RELB: variants seen among roughly 807,000 people sequenced by gnomAD.
RELB encodes transcription factor RelB.
In RELB, 14 loss-of-function variants were observed where a neutral mutation model predicts 55.4. The observed-to-expected ratio is 0.25, with a 90% CI of 0.17 to 0.40. The LOEUF (loss-of-function observed/expected upper bound fraction) is 0.40, where lower values mean the gene tolerates loss of function less well. RELB is among the 10% of genes least tolerant of loss of function. RELB has a pLI of 1.00. For synonymous variants in RELB, 409 were observed against 371.3 expected, an observed-to-expected ratio of 1.10 and a Z score of -1.17; for missense variants, 669 against 830.7, an observed-to-expected ratio of 0.81 and a Z score of 2.39.
intron 2 of RELB, chr19:45,008,398 C>T: frequency 2.2e-6 from 1 of 456,058 alleles, no homozygotes; most frequent in Non-Finnish European, 4.4e-6. Flanking sequence ...ACTCAGTCTC[C>T]CCCTACAGCC....
chr19:45,012,128 C>G lies in RELB; in HGVS notation c.356C>G (p.Pro119Arg), dbSNP rs759274817. Residue 119 changes from proline (P) to arginine (R), a missense_variant, in exon 4 of 12, where the codon CCG becomes CGG. Coordinates refer to ENST00000221452, the MANE Select transcript of RELB (RefSeq NM_006509.4). ...CPLGRLVSPAPGPGPQPHLVI... is the reference protein window; with the variant it reads ...CPLGRLVSPARGPGPQPHLVI... ...CTGGGCCGACTAGTGTCCCCAGCGC[C>G]GGGCCCGGGCCCGCAGCCGCACCTG... 13 of 1,555,126 alleles carry G rather than the reference C, an allele frequency of 8.4e-6. No homozygotes were observed. The South Asian group carries it at 1.5e-4, about 18-fold the overall frequency.
At position 45,032,525 on chromosome 19, in the gene RELB, T is replaced by C. The variant is rs769438391; in HGVS notation, c.992-9T>C. 3.7e-6 allele frequency: 6 copies of C among 1,607,322 alleles called. No individual in the cohort carries two copies. The South Asian group carries it at 4.4e-5, about 12-fold the overall frequency. ...CCTGGCTTAGCTGATGTCCCCCGTT[T>C]CCTGCCAGAGGACATATCAGTGGTG... On this transcript the variant is annotated splice_polypyrimidine_tract_variant and intron_variant, in intron 8 of 11. Transcript: ENST00000221452.
At chr19:45,014,993 C>A (rs1392193620) in intron 4 of RELB, among the ~76,000 whole-genome samples, 2 of 151,270 alleles carry the variant, frequency 1.3e-5, no homozygotes, top group Non-Finnish European at 2.9e-5. Flanking sequence ...ACTTCCGCCT[C>A]CTGGGTTCAA....
rs1043017303 is a variant in RELB, at chr19:45,001,554, C to G, written c.-26C>G. Reference sequence around the variant, plus strand: ...CGCGATCGTCCACCAGACCGTGCCTCCCGGCCGCCCGGCCGGCCCGCGTGC... The same window carrying G: ...CGCGATCGTCCACCAGACCGTGCCTGCCGGCCGCCCGGCCGGCCCGCGTGC... On this transcript the variant is annotated 5_prime_UTR_variant, in exon 1 of 12. Transcript: ENST00000221452. 5 of 1,381,144 alleles carry G rather than the reference C, an allele frequency of 3.6e-6. No individual in the cohort carries two copies. The African/African-American group carries it at 7.6e-5, about 21-fold the overall frequency. The allele number at this position is 1,381,144 out of a possible 1,614,324, so 85.6% of individuals were successfully genotyped here.
intron 4 of RELB, among the ~76,000 whole-genome samples, chr19:45,018,756 A>G (rs1971450454): frequency 6.7e-6 from 1 of 150,108 alleles, no homozygotes; most frequent in Non-Finnish European, 1.5e-5. Flanking sequence ...GGCTCACTGC[A>G]ACTTGTGCCT....
At chr19:45,032,423 A>C in intron 8 of RELB, 111 bp from the exon 9 acceptor site, 2 of 929,086 alleles carry the variant, frequency 2.2e-6, no homozygotes, top group Non-Finnish European at 3.3e-6. Context: ...TCAAAAAAAA[A>C]AAATTTTAAA....
rs1039624578 is a variant in RELB, at chr19:45,003,915, GT to G, written c.154+945del. The stretch of plus-strand genomic sequence containing the variant: ...TGGGTTTTTTTTGTCTGTTTTTTGT[GT>G]TTTTTTTTTTTTTTTTTTTTTTTTT... On this transcript the variant is annotated intron_variant, in intron 2 of 11. Transcript: ENST00000221452. 6.9e-3 allele frequency among the ~76,000 whole-genome samples: 439 copies of G among 63,570 alleles called. 6 individuals are homozygous for G. Among genetic ancestry groups the G allele is most frequent in the African/African-American group, 0.022 (379 of 16,988 alleles). The allele number at this position is 63,570 out of a possible 152,430, so 41.7% of individuals were successfully genotyped here.
chr19:45,032,128 C>T (rs537629346), intron 8 of RELB, among the ~76,000 whole-genome samples: 5 of 151,854 alleles, frequency 3.3e-5, no homozygotes, highest in Admixed American at 2.0e-4. Flanking sequence ...CCCAGCTACT[C>T]GGGAGACTGA....
At chr19:45,008,071 G>A (rs1399659869) in intron 2 of RELB, among the ~76,000 whole-genome samples, 1 of 148,668 alleles carries the variant, frequency 6.7e-6, no homozygotes, top group East Asian at 2.0e-4. Context: ...TCGGGAGGCT[G>A]AGACAGGAGA....
Position 45,027,073 on chromosome 19 carries a change from CA to C in RELB, c.886+1346del, listed in dbSNP as rs949733377. Among the ~76,000 whole-genome samples, 673 of 148,186 alleles carry C rather than the reference CA, an allele frequency of 4.5e-3. 11 individuals carry two copies. Among genetic ancestry groups the C allele is most frequent in the African/African-American group, 0.016 (633 of 40,506 alleles). ...CGAAACCCCGTCTCTACTAAAAATC[CA>C]AAAAAAAAATTAGCCGGGCGTCGTG... On this transcript the variant is annotated intron_variant, in intron 7 of 11. Coordinates refer to ENST00000221452, the MANE Select transcript of RELB (RefSeq NM_006509.4).
At chr19:45,003,211 C>T (rs1971236311) in intron 2 of RELB, among the ~76,000 whole-genome samples, 1 of 152,132 alleles carries the variant, frequency 6.6e-6, no homozygotes. Context: ...GTGGCTCACG[C>T]CTGTAGTCCC....
chr19:45,037,607 A>G lies in RELB; in HGVS notation c.1557A>G (p.Gly519=). 1 of 1,606,330 alleles carries G rather than the reference A, an allele frequency of 6.2e-7. No homozygotes were observed. The highest frequency in any genetic ancestry group is 8.5e-7 in the Non-Finnish European group (1 of 1,176,956). ...PPHASAVVCS[G]GAGAVVGETP... is the part of the protein sequence containing the mutation. ...ACGCTAGCGCTGTTGTGTGCAGCGGAGGTGCCGGGGCCGTGGTTGGGGAGA... is the reference window on the plus strand; with the variant it reads ...ACGCTAGCGCTGTTGTGTGCAGCGGGGGTGCCGGGGCCGTGGTTGGGGAGA... Residue 519 remains glycine, a synonymous_variant, in exon 12 of 12, where the codon GGA becomes GGG. Coordinates refer to ENST00000221452, the MANE Select transcript of RELB (RefSeq NM_006509.4).
At chr19:45,019,701 G>A (rs1600072525) in intron 4 of RELB, among the ~76,000 whole-genome samples, 1 of 152,102 alleles carries the variant, frequency 6.6e-6, no homozygotes, top group African/African-American at 2.4e-5. Context: ...TTTTTGAGAA[G>A]GAGTCTTGCT....
chr19:45,004,083 C>A (rs1002013552), intron 2 of RELB, among the ~76,000 whole-genome samples: 8 of 150,702 alleles, frequency 5.3e-5, no homozygotes, highest in African/African-American at 2.0e-4. Flanking sequence ...CCACCACAAC[C>A]CACTTTGTGT....
chr19:45,006,674 A>G (rs1600062262), intron 2 of RELB, among the ~76,000 whole-genome samples: 2 of 151,352 alleles, frequency 1.3e-5, no homozygotes, highest in African/African-American at 4.8e-5. Flanking sequence ...GAAAATGATA[A>G]AACAGGCTGG....
chr19:45,003,546 T>C (rs765456540), intron 2 of RELB: 27 of 516,202 alleles, frequency 5.2e-5, no homozygotes, highest in Non-Finnish European at 1.0e-4. Flanking sequence ...AAGGCTTCTT[T>C]AGAGATTCAC....
At chr19:45,017,663 C>CT (rs773366193) in intron 4 of RELB, among the ~76,000 whole-genome samples, 1,608 of 135,380 alleles carry the variant, frequency 0.012, 31 homozygotes, top group African/African-American at 0.036. Context: ...GTTATTATTC[C>CT]TTTTTTTTTT....
chr19:45,021,882 G>A (rs963884923), intron 4 of RELB, 171 bp from the exon 5 acceptor site: 1 of 642,916 alleles, frequency 1.6e-6, no homozygotes, highest in Non-Finnish European at 2.5e-6. Context: ...GCCCAAAGTG[G>A]TCTTAAGCAA....
chr19:45,010,390 G>C (rs1006701966), intron 3 of RELB, among the ~76,000 whole-genome samples: 2 of 146,876 alleles, frequency 1.4e-5, no homozygotes, highest in Non-Finnish European at 3.0e-5. Flanking sequence ...TTTAGGCCCT[G>C]GGGATTTAGC....
Sources: allele counts gnomAD v4.1 joint callset (sites outside exome capture counted in the v4.1 genomes callset), GRCh38; gene constraint gnomAD v4.1.1; transcripts MANE v1.5; gene names NCBI Gene and HGNC (gene_info 2026-07-23, HGNC 2026-07-21).